MT1F: variants seen among roughly 807,000 people sequenced by gnomAD.
MT1F encodes the protein metallothionein-1F.
In MT1F, 6 loss-of-function variants were observed where a neutral mutation model predicts 5.4. The observed-to-expected ratio is 1.11, with a 90% CI of 0.61 to 2.19. The LOEUF (loss-of-function observed/expected upper bound fraction) is 2.19, where lower values mean the gene tolerates loss of function less well. Ranked by LOEUF, MT1F falls within the 30% of genes most tolerant of loss-of-function variation. The pLI is 0.00. For missense variants in MT1F, 82 were observed against 77.0 expected, an observed-to-expected ratio of 1.07 and a Z score of -0.24; for synonymous variants, 28 against 28.3, an observed-to-expected ratio of 0.99 and a Z score of 0.04.
At position 56,658,535 on chromosome 16, in the gene MT1F, T is replaced by C. The variant is rs527719370; in HGVS notation, c.29-140T>C. On this transcript the variant is annotated intron_variant, in intron 1 of 2. Coordinates refer to ENST00000334350, the MANE Select transcript of MT1F (RefSeq NM_005949.4). ...ATGAAGGGAGAGGACATGGGGCTTC[T>C]CTTCCTCTGCTCTGAGTGGGAAAGG... 45 of 835,914 alleles carry C rather than the reference T, an allele frequency of 5.4e-5. No homozygotes were observed. In the African/African-American group the frequency reaches 6.7e-4, roughly 12 times the overall value. The allele number at this position is 835,914 out of a possible 1,614,324, so 51.8% of individuals were successfully genotyped here.
Sources: allele counts gnomAD v4.1 joint callset, GRCh38; gene constraint gnomAD v4.1.1; transcripts MANE v1.5; gene names NCBI Gene and HGNC (gene_info 2026-07-23, HGNC 2026-07-21).